The following CTNNA2 variants were observed in gnomAD, a reference collection of about 807,000 sequenced individuals.
CTNNA2 encodes catenin alpha-2.
A neutral mutation model predicts 101.0 loss-of-function variants in CTNNA2; 42 were observed. That is an observed-to-expected ratio of 0.42 (90% CI 0.32 to 0.54). The LOEUF (loss-of-function observed/expected upper bound fraction) is 0.54, where lower values mean the gene tolerates loss of function less well. Among genes scored for constraint, CTNNA2 ranks in the 20% least tolerant of loss-of-function variants. CTNNA2 has a pLI of 0.14. For synonymous variants in CTNNA2, 450 were observed against 456.4 expected, an observed-to-expected ratio of 0.99 and a Z score of 0.18; for missense variants, 871 against 1,223.1, an observed-to-expected ratio of 0.71 and a Z score of 4.29.
intron 7 of CTNNA2, among the ~76,000 whole-genome samples, chr2:80,125,802 G>A (rs2148885866): frequency 6.6e-6 from 1 of 152,146 alleles, no homozygotes; most frequent in East Asian, 1.9e-4. Flanking sequence ...CCTAATCTCT[G>A]CAGCCTGCTA....
Position 79,521,148 on chromosome 2 carries a change from ATATATATATATATAT to A in CTNNA2, c.-6+7942_-6+7956del, listed in dbSNP as rs1672094823. 4.9e-4 allele frequency among the ~76,000 whole-genome samples: 17 copies of A among 35,020 alleles called. 1 individual carries two copies. Among genetic ancestry groups the A allele is most frequent in the Middle Eastern group, 0.018 (1 of 56 alleles). The allele number at this position is 35,020 out of a possible 152,430, so 23.0% of individuals were successfully genotyped here. A position where few individuals can be genotyped will look rare whatever the true frequency, so the allele number is the denominator to read the frequency against. ...TATATATATATATATATATATATAT[ATATATATATATATAT>A]ATATAAATTTTAAGGTGCGCTATTT... is the stretch of plus-strand genomic sequence containing the variant. On this transcript the variant is annotated intron_variant, in intron 1 of 18. Transcript: ENST00000402739.
chr2:79,358,664 T>A (rs796794875), intron 3 of CTNNA2, among the ~76,000 whole-genome samples: 10 of 152,330 alleles, frequency 6.6e-5, no homozygotes, highest in African/African-American at 2.4e-4. Flanking sequence ...AGGACCAAAG[T>A]ATTTCTTTCA....
At chr2:80,300,330 G>C (rs568300259) in intron 7 of CTNNA2, among the ~76,000 whole-genome samples, 2 of 139,940 alleles carry the variant, frequency 1.4e-5, no homozygotes, top group East Asian at 4.2e-4. Flanking sequence ...GTGTGTGTGT[G>C]TGTAAGAAGC....
At chr2:79,314,190 T>C (rs1676444773) in intron 3 of CTNNA2, among the ~76,000 whole-genome samples, 1 of 152,162 alleles carries the variant, frequency 6.6e-6, no homozygotes, top group Non-Finnish European at 1.5e-5. Flanking sequence ...ACCACCAGTA[T>C]TTCAGGCCCA....
intron 7 of CTNNA2, among the ~76,000 whole-genome samples, chr2:80,183,413 G>T (rs1279933619): frequency 1.3e-5 from 2 of 152,110 alleles, no homozygotes; most frequent in East Asian, 3.8e-4. Flanking sequence ...GTTGGTTTTG[G>T]CAGATGGAAA....
At chr2:79,283,035 T>C (rs956325064) in intron 2 of CTNNA2, among the ~76,000 whole-genome samples, 3 of 86,568 alleles carry the variant, frequency 3.5e-5, no homozygotes, top group Non-Finnish European at 8.5e-5. Context: ...TTCATGTGTT[T>C]TTTGGCTGCA....
At position 79,648,999 on chromosome 2, in the gene CTNNA2, T is replaced by C. The variant is rs76348226; in HGVS notation, c.-5-2553T>C. ...AAAGGAATAAATTAATTTGAGTGAT[T>C]TGTCTGGGAACTATTGTTCTTTTAT... is the stretch of plus-strand genomic sequence containing the variant. On this transcript the variant is annotated intron_variant, in intron 1 of 18. Coordinates refer to ENST00000402739, the MANE Select transcript of CTNNA2 (RefSeq NM_001282597.3). Among the ~76,000 whole-genome samples, 1,054 of 152,248 alleles carry C rather than the reference T, an allele frequency of 6.9e-3. 11 individuals carry two copies. Among genetic ancestry groups the C allele is most frequent in the African/African-American group, 0.024 (1,000 of 41,546 alleles).
At chr2:80,522,453 C>A (rs1289137412) in intron 9 of CTNNA2, among the ~76,000 whole-genome samples, 1 of 152,106 alleles carries the variant, frequency 6.6e-6, no homozygotes, top group East Asian at 1.9e-4. Flanking sequence ...GAACTGTGAC[C>A]GTTGCATTGA....
intron 3 of CTNNA2, among the ~76,000 whole-genome samples, chr2:79,837,122 T>C (rs553915753): frequency 6.6e-6 from 1 of 152,266 alleles, no homozygotes; most frequent in Admixed American, 6.5e-5. Context: ...TAATGGAATA[T>C]ATATGTATGT....
intron 7 of CTNNA2, among the ~76,000 whole-genome samples, chr2:80,181,288 GC>G (rs962535976): frequency 2.0e-5 from 3 of 152,126 alleles, no homozygotes; most frequent in African/African-American, 7.2e-5. Flanking sequence ...AAGGCTGATG[GC>G]AGCATGGGTG....
At chr2:80,091,044 A>G (rs1699762942) in intron 7 of CTNNA2, among the ~76,000 whole-genome samples, 2 of 152,160 alleles carry the variant, frequency 1.3e-5, no homozygotes, top group South Asian at 2.1e-4. Flanking sequence ...TTGTATTAAC[A>G]TATGAGTGTC....
At chr2:79,245,983 A>G (rs886454856) in intron 2 of CTNNA2, among the ~76,000 whole-genome samples, 3 of 152,224 alleles carry the variant, frequency 2.0e-5, no homozygotes, top group Non-Finnish European at 4.4e-5. Flanking sequence ...TCTGGTGTTC[A>G]GATTCGAATC....
intron 7 of CTNNA2, among the ~76,000 whole-genome samples, chr2:80,212,744 G>T (rs981530238): frequency 6.6e-6 from 1 of 152,174 alleles, no homozygotes; most frequent in Non-Finnish European, 1.5e-5. Flanking sequence ...GAATGAGTTA[G>T]GCAGGATTCC....
chr2:79,393,425 G>C (rs1283460233), intron 4 of CTNNA2, among the ~76,000 whole-genome samples: 2 of 152,100 alleles, frequency 1.3e-5, no homozygotes, highest in African/African-American at 4.8e-5. Context: ...TCACTCATTT[G>C]TTTATGTTTT....
At chr2:79,199,882 T>C (rs1674009867) in intron 2 of CTNNA2, among the ~76,000 whole-genome samples, 2 of 152,174 alleles carry the variant, frequency 1.3e-5, no homozygotes, top group Admixed American at 1.3e-4. Context: ...AAAAGAAAGA[T>C]TGTGTGATGT....
intron 3 of CTNNA2, among the ~76,000 whole-genome samples, chr2:79,772,828 G>C (rs971082541): frequency 6.6e-6 from 1 of 152,108 alleles, no homozygotes; most frequent in African/African-American, 2.4e-5. Flanking sequence ...GCCTCCCAAA[G>C]CATGTTTGTC....
chr2:79,664,705 CTTTTTTTTTTT>C lies in CTNNA2; in HGVS notation c.102+13063_102+13073del, dbSNP rs67782114. On this transcript the variant is annotated intron_variant, in intron 2 of 18. Coordinates refer to ENST00000402739, the MANE Select transcript of CTNNA2 (RefSeq NM_001282597.3). ...TAAATTCTGGAGAATTCACATTCTT[CTTTTTTTTTTT>C]TTTTTTTTTTTTTTTGAGACGGAGT... Among the ~76,000 whole-genome samples, 313 of 95,000 alleles carry C rather than the reference CTTTTTTTTTTT, an allele frequency of 3.3e-3. 3 individuals are homozygous for C. Among genetic ancestry groups the C allele is most frequent in the South Asian group, 7.6e-3 (21 of 2,774 alleles). 62.3% of individuals were successfully genotyped at this position (95,000 alleles called of 152,430 possible).
intron 1 of CTNNA2, among the ~76,000 whole-genome samples, chr2:79,188,482 C>T (rs950556291): frequency 6.6e-6 from 1 of 152,176 alleles, no homozygotes; most frequent in Non-Finnish European, 1.5e-5. Context: ...AGTGACCCCA[C>T]CTATTGCTGG....
At position 79,282,866 on chromosome 2, in the gene CTNNA2, GC is replaced by G. The variant is rs1275888925; in HGVS notation, c.-405-29840del. ...CCACAATGGTTGAACTAGTTTACAG[GC>G]CCACCAACAGTGTAAAAGTGTTCCT... On this transcript the variant is annotated intron_variant, in intron 2 of 21. Coordinates refer to the CTNNA2 transcript ENST00000466387. 2.8e-5 allele frequency among the ~76,000 whole-genome samples: 2 copies of G among 71,188 alleles called. 1 individual carries two copies. Among genetic ancestry groups the G allele is most frequent in the East Asian group, 1.6e-3 (2 of 1,216 alleles). 46.7% of individuals were successfully genotyped at this position (71,188 alleles called of 152,430 possible). A position where few individuals can be genotyped will look rare whatever the true frequency, so the allele number is the denominator to read the frequency against.
Sources: allele counts gnomAD v4.1 joint callset (sites outside exome capture counted in the v4.1 genomes callset), GRCh38; gene constraint gnomAD v4.1.1; transcripts MANE v1.5; gene names NCBI Gene and HGNC (gene_info 2026-07-23, HGNC 2026-07-21).